The following LRRC43 variants were observed in gnomAD, a reference collection of about 807,000 sequenced individuals.
The protein encoded by LRRC43 is leucine rich repeat containing 43.
Under a neutral mutation model 64.3 loss-of-function variants are expected in LRRC43, and 62 were observed. That is an observed-to-expected ratio of 0.96 (90% confidence interval 0.79 to 1.19). The LOEUF (loss-of-function observed/expected upper bound fraction) is 1.19, where lower values mean the gene tolerates loss of function less well. Ranked by LOEUF, LRRC43 falls within the 50% of genes most tolerant of loss-of-function variation. The pLI is 0.00. For missense variants in LRRC43, 868 were observed against 845.0 expected (o/e 1.03, Z -0.34); for synonymous variants, 422 against 382.3 (o/e 1.10, Z -1.21).
Position 122,192,732 on chromosome 12 carries a change from T to C in LRRC43, c.1090-13T>C, listed in dbSNP as rs1404070114. On this transcript the variant is annotated splice_polypyrimidine_tract_variant and intron_variant, in intron 6 of 11. Coordinates refer to ENST00000339777, the MANE Select transcript of LRRC43 (RefSeq NM_001098519.2). ...GACGGCAGCCTTGGACGAGTTTCTGTCTCTTCCTGCAGATCGTCAAGCCCT... is the reference window on the plus strand; with the variant it reads ...GACGGCAGCCTTGGACGAGTTTCTGCCTCTTCCTGCAGATCGTCAAGCCCT... 1 of 1,610,398 alleles carries C rather than the reference T, an allele frequency of 6.2e-7. No homozygotes were observed. The highest frequency in any genetic ancestry group is 2.2e-5 in the East Asian group (1 of 44,780).
Position 122,192,849 on chromosome 12 carries a change from C to G in LRRC43, c.1194C>G (p.Val398=). 6.2e-7 allele frequency: 1 copy of G among 1,610,648 alleles called. No homozygotes were observed. The highest frequency in any genetic ancestry group is 8.5e-7 in the Non-Finnish European group (1 of 1,180,018). ...TTGTTGAAGAGGTTACTGAAGAGGT[C>G]GAAGGGTCTCTGGAGTCTGAGGTGG... ...EDIVEEVTEE[V]EGSLESEVEE... Residue 398 remains valine (V), a synonymous_variant, in exon 7 of 12, where the codon GTC becomes GTG. Coordinates refer to ENST00000339777, the MANE Select transcript of LRRC43 (RefSeq NM_001098519.2).
chr12:122,179,207 G>A (rs1425347631), upstream of LRRC43, among the ~76,000 whole-genome samples: 3 of 152,112 alleles, frequency 2.0e-5, no homozygotes, highest in African/African-American at 4.8e-5. Flanking sequence ...AGATCCTTCC[G>A]CCTCAGCCTC....
chr12:122,187,761 G>T lies in LRRC43; in HGVS notation c.583G>T (p.Ala195Ser). The T allele has an allele frequency of 1.2e-6, 2 of 1,613,932 alleles. No individual in the cohort carries two copies. The highest frequency in any genetic ancestry group is 8.5e-7 in the Non-Finnish European group (1 of 1,179,960). Residue 195 changes from alanine to serine, a missense_variant, in exon 4 of 12, where the codon GCC becomes TCC. Coordinates refer to ENST00000339777, the MANE Select transcript of LRRC43 (RefSeq NM_001098519.2). ...SMECLCAHPP[A>S]GLQHLGLGHN... is the part of the protein sequence containing the mutation. ...GGAGTGTCTGTGTGCCCACCCACCC[G>T]CCGGCCTGCAGCACTTGGGGTTAGG...
intron 7 of LRRC43, among the ~76,000 whole-genome samples, chr12:122,199,182 T>C (rs1398286522): frequency 6.6e-6 from 1 of 151,316 alleles, no homozygotes; most frequent in African/African-American, 2.4e-5. Flanking sequence ...ACTTCCTGAG[T>C]GGGATGCTGC....
Position 122,193,023 on chromosome 12 carries a change from A to G in LRRC43, c.1349+19A>G. 6.2e-7 allele frequency: 1 copy of G among 1,611,786 alleles called. No homozygotes were observed. The highest frequency in any genetic ancestry group is 8.5e-7 in the Non-Finnish European group (1 of 1,178,914). On this transcript the variant is annotated intron_variant, in intron 7 of 11. Coordinates refer to ENST00000339777, the MANE Select transcript of LRRC43 (RefSeq NM_001098519.2). ...CCCCAGGGTAAGGATGGAAATCTGA[A>G]CCAGGGCAAGTGGTCAGAGCAGTAG...
In LRRC43 at chr12:122,203,375, T is replaced by C. The variant is rs1953867223; in HGVS notation, c.1904T>C (p.Val635Ala). The C allele has an allele frequency of 1.9e-6, 3 of 1,613,276 alleles. No homozygotes were observed. Among genetic ancestry groups the C allele is most frequent in the Admixed American group, 1.7e-5 (1 of 59,970 alleles). ...EGDYHPEPLT[V>A]EVQIQLNQCR... is the part of the protein sequence containing the mutation. ...GATTACCACCCTGAGCCCCTGACCGTAGAGGTGCAGATCCAGCTGAACCAG... is the reference window on the plus strand; with the variant it reads ...GATTACCACCCTGAGCCCCTGACCGCAGAGGTGCAGATCCAGCTGAACCAG... Residue 635 changes from valine to alanine, a missense_variant, in exon 12 of 12, where the codon GTA (valine) becomes GCA (alanine). Coordinates refer to ENST00000339777, the MANE Select transcript of LRRC43 (RefSeq NM_001098519.2).
intron 1 of LRRC43, chr12:122,172,644 A>G: frequency 6.2e-7 from 1 of 1,614,110 alleles, no homozygotes. Context: ...ATATGCCCGG[A>G]TGGCTGGGCT....
chr12:122,184,807 G>T lies in LRRC43; in HGVS notation c.411+28G>T, dbSNP rs1186453170. 24 of 1,573,926 alleles carry T rather than the reference G, an allele frequency of 1.5e-5. No individual in the cohort carries two copies. Among genetic ancestry groups the T allele is most frequent in the Non-Finnish European group, 1.9e-5 (22 of 1,159,544 alleles). Reference sequence around the variant, plus strand: ...CAGTGCTGGGCACGTGGTAGGTGATGTTAGGGTGGCCGCTCCCCTAAGGGA... The same window carrying T: ...CAGTGCTGGGCACGTGGTAGGTGATTTTAGGGTGGCCGCTCCCCTAAGGGA... On this transcript the variant is annotated intron_variant, in intron 2 of 11. Coordinates refer to ENST00000339777, the MANE Select transcript of LRRC43 (RefSeq NM_001098519.2). The surrounding 1 kb of genome is among the most constrained non-coding windows in gnomAD (Gnocchi z 4.0).
intron 1 of LRRC43, chr12:122,172,231 T>C: frequency 3.5e-6 from 2 of 571,036 alleles, no homozygotes; most frequent in Middle Eastern, 8.7e-4. Context: ...ACCTAATGTT[T>C]TTCAAGGTAA....
At position 122,200,640 on chromosome 12, in the gene LRRC43, GGA is replaced by G; in HGVS notation, c.1605_1606del (p.Lys536ArgfsTer61). ...GAAGGAGAAAGACAGGACGGGGAAA[GGA>G]GAGAAAGAGCCGGCCAAGGTACCGG... ...KGKEKDRTGK[G>X]EKEPAKEWKV... On this transcript the variant is annotated frameshift_variant, in exon 9 of 12. Transcript: ENST00000339777. LOFTEE classifies it high-confidence loss of function. The surrounding 1 kb of genome is among the most constrained non-coding windows in gnomAD (Gnocchi z 4.6). 3 of 1,614,130 alleles carry G rather than the reference GGA, an allele frequency of 1.9e-6. No homozygotes were observed. Among genetic ancestry groups the G allele is most frequent in the Non-Finnish European group, 2.5e-6 (3 of 1,180,012 alleles).
chr12:122,172,156 A>C, intron 1 of LRRC43: 3 of 386,052 alleles, frequency 7.8e-6, no homozygotes, highest in Non-Finnish European at 9.4e-6. Flanking sequence ...TCACGAGGGT[A>C]TAATAAGTAA....
At chr12:122,188,252 A>G (rs370390488) in intron 4 of LRRC43, among the ~76,000 whole-genome samples, 19 of 151,726 alleles carry the variant, frequency 1.3e-4, no homozygotes, top group Admixed American at 3.3e-4. Context: ...GACTACAGGC[A>G]CCCGCCACCA....
intron 7 of LRRC43, among the ~76,000 whole-genome samples, chr12:122,197,381 G>A (rs1198022149): frequency 6.6e-6 from 1 of 151,968 alleles, no homozygotes; most frequent in Non-Finnish European, 1.5e-5. Flanking sequence ...GGCCAGGCTG[G>A]TCTCAAACTT....
At chr12:122,190,814 G>A (rs73219887) in intron 5 of LRRC43, among the ~76,000 whole-genome samples, 10 of 150,366 alleles carry the variant, frequency 6.7e-5, no homozygotes, top group Non-Finnish European at 1.0e-4. Flanking sequence ...AGTGAGCCGA[G>A]ATGACACCAG....
intron 7 of LRRC43, among the ~76,000 whole-genome samples, chr12:122,195,874 T>G (rs1420075969): frequency 6.6e-6 from 1 of 152,208 alleles, no homozygotes; most frequent in East Asian, 1.9e-4. Flanking sequence ...TTCTATTATG[T>G]GTTCTTCTAG....
intron 7 of LRRC43, among the ~76,000 whole-genome samples, chr12:122,194,117 A>G (rs1053935877): frequency 9.2e-5 from 14 of 152,158 alleles, no homozygotes; most frequent in Non-Finnish European, 1.6e-4. Context: ...TATTATAAAC[A>G]TAAATATGTT....
At chr12:122,189,457 G>A (rs748945537) in intron 4 of LRRC43, 13 of 456,584 alleles carry the variant, frequency 2.8e-5, no homozygotes, top group Non-Finnish European at 5.3e-5. Context: ...GACAGCGGCC[G>A]CTTGTGTTTT....
At chr12:122,176,963 A>G (rs1009844565) in intron 1 of LRRC43, among the ~76,000 whole-genome samples, 1 of 151,932 alleles carries the variant, frequency 6.6e-6, no homozygotes, top group Non-Finnish European at 1.5e-5. Context: ...GCCGCCAGCC[A>G]CCACTGACTT....
At position 122,186,244 on chromosome 12, in the gene LRRC43, CT is replaced by C; in HGVS notation, c.467del (p.Leu156ArgfsTer47). 1.2e-6 allele frequency: 2 copies of C among 1,606,914 alleles called. No homozygotes were observed. The highest frequency in any genetic ancestry group is 1.7e-6 in the Non-Finnish European group (2 of 1,177,012). ...ATTTCTAAAGCTGGAGGAGTTGGTA[CT>C]GAGCGCCAATCGAATCAAGGAGGTG... is the stretch of plus-strand genomic sequence containing the variant. ...LKFLKLEELV[L>X]SANRIKEVDA... On this transcript the variant is annotated frameshift_variant, in exon 3 of 12. Coordinates refer to ENST00000339777, the MANE Select transcript of LRRC43 (RefSeq NM_001098519.2). LOFTEE classifies it high-confidence loss of function.
Sources: allele counts gnomAD v4.1 joint callset (sites outside exome capture counted in the v4.1 genomes callset), GRCh38; gene constraint gnomAD v4.1.1; non-coding constraint Gnocchi (gnomAD v3.1); transcripts MANE v1.5; gene names NCBI Gene and HGNC (gene_info 2026-07-23, HGNC 2026-07-21).